The following B3GLCT variants were observed in gnomAD, a reference collection of about 807,000 sequenced individuals.
B3GLCT encodes the protein beta-1,3-glucosyltransferase.
In B3GLCT, 65 loss-of-function variants were observed where a neutral mutation model predicts 63.4. That is an observed-to-expected ratio of 1.03 (90% confidence interval 0.84 to 1.26). B3GLCT has a LOEUF of 1.26. Ranked by LOEUF, B3GLCT falls within the 50% of genes most tolerant of loss-of-function variation. The pLI is 0.00. For missense variants in B3GLCT, 577 were observed against 604.8 expected (o/e 0.95, Z 0.48); for synonymous variants, 233 against 219.2 (o/e 1.06, Z -0.55).
At chr13:31,328,004 T>G (rs1216059057) in intron 14 of B3GLCT, among the ~76,000 whole-genome samples, 2 of 152,214 alleles carry the variant, frequency 1.3e-5, no homozygotes, top group African/African-American at 2.4e-5. Context: ...TAAGATGGCT[T>G]GAGCAGAGGC....
At chr13:31,239,197 G>C (rs1352671702) in intron 4 of B3GLCT, among the ~76,000 whole-genome samples, 1 of 152,184 alleles carries the variant, frequency 6.6e-6, no homozygotes, top group Non-Finnish European at 1.5e-5. Context: ...GAATGGAAGG[G>C]AGGGTCGGTG....
At chr13:31,204,026 A>T (rs9540653) in intron 1 of B3GLCT, among the ~76,000 whole-genome samples, 31,943 of 152,182 alleles carry the variant, frequency 0.21, 3,562 homozygotes, top group Non-Finnish European at 0.23. Context: ...AGACAGATCT[A>T]GTCTGTCTCT....
chr13:31,249,964 C>T lies in B3GLCT; in HGVS notation c.459+1998C>T, dbSNP rs997849792. 8.5e-5 allele frequency among the ~76,000 whole-genome samples: 13 copies of T among 152,312 alleles called. No homozygotes were observed. The East Asian group carries it at 2.1e-3, about 25-fold the overall frequency. On this transcript the variant is annotated intron_variant, in intron 6 of 14. Transcript: ENST00000343307. ...TTGTTTGATTCTGATTTATTTCCAT[C>T]ATCATCTTTCAGTCATTCTTACTAA...
At chr13:31,216,644 A>T (rs968247484) in intron 2 of B3GLCT, among the ~76,000 whole-genome samples, 17 of 152,070 alleles carry the variant, frequency 1.1e-4, no homozygotes, top group African/African-American at 4.1e-4. Context: ...TTGTTCCCTT[A>T]TTTGTGTCCA....
chr13:31,300,984 C>T (rs1874195171), intron 12 of B3GLCT, among the ~76,000 whole-genome samples: 1 of 152,168 alleles, frequency 6.6e-6, no homozygotes, highest in South Asian at 2.1e-4. Flanking sequence ...TAAATTCCTG[C>T]CATGATTAGC....
chr13:31,270,389 G>A (rs1872529616), intron 8 of B3GLCT, among the ~76,000 whole-genome samples: 1 of 152,080 alleles, frequency 6.6e-6, no homozygotes, highest in Non-Finnish European at 1.5e-5. Flanking sequence ...AATAAACTTA[G>A]AAAAACATAA....
intron 3 of B3GLCT, among the ~76,000 whole-genome samples, chr13:31,226,584 G>C (rs997934976): frequency 6.6e-6 from 1 of 152,096 alleles, no homozygotes; most frequent in Non-Finnish European, 1.5e-5. Flanking sequence ...GGTGAGCGCA[G>C]GATTAAGCTT....
intron 6 of B3GLCT, among the ~76,000 whole-genome samples, chr13:31,254,785 C>A (rs1029255539): frequency 2.6e-5 from 4 of 152,268 alleles, no homozygotes; most frequent in South Asian, 4.2e-4. Context: ...GGTGCAGGGA[C>A]TCACACCTGT....
intron 4 of B3GLCT, among the ~76,000 whole-genome samples, chr13:31,235,438 A>G (rs1188939165): frequency 1.3e-5 from 2 of 152,130 alleles, no homozygotes; most frequent in African/African-American, 4.8e-5. Context: ...GGGGCTGGGC[A>G]GAGTCGGAGC....
chr13:31,295,200 C>T (rs559463144), intron 12 of B3GLCT, among the ~76,000 whole-genome samples: 9 of 152,148 alleles, frequency 5.9e-5, no homozygotes, highest in Admixed American at 2.0e-4. Flanking sequence ...TTGTCCCAGA[C>T]GGGCACGCGC....
At chr13:31,219,009 C>T (rs901593734) in intron 2 of B3GLCT, among the ~76,000 whole-genome samples, 2 of 150,216 alleles carry the variant, frequency 1.3e-5, no homozygotes, top group African/African-American at 4.9e-5. Context: ...TAGCCAAATT[C>T]TACCAGATGT....
At position 31,229,288 on chromosome 13, in the gene B3GLCT, T is replaced by C. The variant is rs751441354; in HGVS notation, c.264T>C (p.Leu88=). 2.8e-5 allele frequency: 44 copies of C among 1,593,796 alleles called. No homozygotes were observed. The highest frequency in any genetic ancestry group is 3.8e-5 in the Non-Finnish European group (44 of 1,161,584). Residue 88 remains leucine (L), a synonymous_variant, in exon 4 of 15, where the codon CTT becomes CTC. Transcript: ENST00000343307. ...KKSILKQAAD[L]TQELPSVLLL... ...GCATCTTAAAGCAGGCTGCAGATCTTACACAGGTACGTAGCGATGGCTGGG... is the reference window on the plus strand; with the variant it reads ...GCATCTTAAAGCAGGCTGCAGATCTCACACAGGTACGTAGCGATGGCTGGG...
chr13:31,253,314 G>T (rs983256925), intron 6 of B3GLCT, among the ~76,000 whole-genome samples: 1 of 152,010 alleles, frequency 6.6e-6, no homozygotes, highest in Non-Finnish European at 1.5e-5. Flanking sequence ...AGAGAAGACC[G>T]GGTGCGGTGG....
At chr13:31,325,082 A>G (rs1253089912) in intron 14 of B3GLCT, among the ~76,000 whole-genome samples, 10 of 152,232 alleles carry the variant, frequency 6.6e-5, no homozygotes, top group Admixed American at 6.5e-4. Context: ...CAGAAATAGT[A>G]TACTATAGAA....
intron 1 of B3GLCT, among the ~76,000 whole-genome samples, chr13:31,209,790 C>T (rs577627734): frequency 1.2e-4 from 18 of 152,298 alleles, no homozygotes; most frequent in African/African-American, 4.1e-4. Flanking sequence ...TTCCTGCCAG[C>T]GCCCTCTGAG....
intron 12 of B3GLCT, among the ~76,000 whole-genome samples, chr13:31,310,299 G>A (rs1874638755): frequency 6.6e-6 from 1 of 152,136 alleles, no homozygotes; most frequent in Admixed American, 6.5e-5. Context: ...AGCTGTTCTT[G>A]CATTGAATAA....
intron 4 of B3GLCT, 96 bp from the exon 5 acceptor site, chr13:31,246,927 T>C (rs1871213552): frequency 1.0e-6 from 1 of 979,598 alleles, no homozygotes; most frequent in Admixed American, 2.6e-5. Context: ...TTTTCTTTTT[T>C]TCTTTTTTCT....
intron 9 of B3GLCT, among the ~76,000 whole-genome samples, chr13:31,275,663 AC>A (rs1347181835): frequency 6.6e-6 from 1 of 152,116 alleles, no homozygotes; most frequent in Non-Finnish European, 1.5e-5. Context: ...CCTGACACTC[AC>A]AAGGTTGTTA....
Position 31,317,624 on chromosome 13 carries a change from G to A in B3GLCT, c.1123G>A (p.Gly375Arg). 1 of 1,614,062 alleles carries A rather than the reference G, an allele frequency of 6.2e-7. No homozygotes were observed. The highest frequency in any genetic ancestry group is 8.5e-7 in the Non-Finnish European group (1 of 1,180,000). The change falls in exon 13 of 15, where the codon GGA becomes AGA. Residue 375 changes from glycine (G) to arginine (R), a missense_variant. By Grantham distance (125) the Gly-to-Arg change is moderately radical. Coordinates refer to ENST00000343307, the MANE Select transcript of B3GLCT (RefSeq NM_194318.4). ...TGACTCCGGCGAGCCTGTGTTTCTG[G>A]GAGAGCGCTACGGCTACGGCCTGGG... Reference protein sequence around the residue: ...CYDSGEPVFLGERYGYGLGTG... With the variant: ...CYDSGEPVFLRERYGYGLGTG...
Sources: gnomAD v4.1 joint callset for allele counts (sites outside exome capture counted in the v4.1 genomes callset) on GRCh38, gnomAD v4.1.1 for gene constraint, MANE v1.5 for transcripts, NCBI Gene and HGNC (gene_info 2026-07-23, HGNC 2026-07-21) for gene names.